The following BCAS3 variants were observed in gnomAD, a reference collection of about 807,000 sequenced individuals.
BCAS3 encodes the protein BCAS3 microtubule associated cell migration factor.
BCAS3 carries 53 observed loss-of-function variants against 116.1 expected under a neutral mutation model. The ratio of observed to expected loss-of-function variants is 0.46; its 90% CI spans 0.37 to 0.57. The LOEUF is 0.57. Among genes scored for constraint, BCAS3 ranks in the 20% least tolerant of loss-of-function variants. The pLI is 0.00. For missense variants in BCAS3, 917 were observed against 1,165.4 expected, an observed-to-expected ratio of 0.79 and a Z score of 3.10; for synonymous variants, 391 against 408.2, an observed-to-expected ratio of 0.96 and a Z score of 0.51.
chr17:61,330,688 C>T (rs1375905851), intron 22 of BCAS3, among the ~76,000 whole-genome samples: 1 of 152,238 alleles, frequency 6.6e-6, no homozygotes, highest in Non-Finnish European at 1.5e-5. Context: ...CAGAAACACA[C>T]ACCAGTGAGC....
intron 12 of BCAS3, among the ~76,000 whole-genome samples, chr17:60,914,763 T>C (rs1242501467): frequency 6.6e-6 from 1 of 152,214 alleles, no homozygotes; most frequent in African/African-American, 2.4e-5. Flanking sequence ...TTCCACTTAA[T>C]GAACAGTAAA....
chr17:61,015,785 T>A lies in BCAS3; in HGVS notation c.1521T>A (p.Phe507Leu). Residue 507 changes from phenylalanine (F) to leucine (L), a missense_variant, in exon 16 of 24, where the codon TTT becomes TTA. Physicochemically the swap from Phe to Leu is conservative, Grantham distance 22. Transcript: ENST00000407086. The stretch of plus-strand genomic sequence containing the variant: ...ACAGCCAAGACTCCTATAACAATTT[T>A]ACCAACAACAACCCTGGCAACCCTC... ...KLNSQDSYNN[F>L]TNNNPGNPRL... is the part of the protein sequence containing the mutation. 1 of 1,614,014 alleles carries A rather than the reference T, an allele frequency of 6.2e-7. No homozygotes were observed. The highest frequency in any genetic ancestry group is 8.5e-7 in the Non-Finnish European group (1 of 1,179,946).
intron 14 of BCAS3, among the ~76,000 whole-genome samples, chr17:60,978,670 G>T (rs1163023754): frequency 6.6e-6 from 1 of 152,102 alleles, no homozygotes; most frequent in Admixed American, 6.6e-5. Context: ...ATCCTGAATT[G>T]ATTTTTGTAT....
chr17:61,392,086 G>C lies in BCAS3; in HGVS notation c.2703G>C (p.Glu901Asp), dbSNP rs773269723. The C allele has an allele frequency of 2.4e-5, 39 of 1,613,634 alleles. No individual in the cohort carries two copies. Among genetic ancestry groups the C allele is most frequent in the Non-Finnish European group, 3.2e-5 (38 of 1,179,990 alleles). Reference sequence around the variant, plus strand: ...ACCGATCTCCGCTGCCCACCAATGAGAGCCAGCCCCTCAGCCTCTTCCCGA... The same window carrying C: ...ACCGATCTCCGCTGCCCACCAATGACAGCCAGCCCCTCAGCCTCTTCCCGA... ...DGYRSPLPTN[E>D]SQPLSLFPTG... The change falls in exon 24 of 24, where the codon GAG (glutamate) becomes GAC (aspartate). Residue 901 changes from glutamate to aspartate, a missense_variant. Physicochemically the swap from Glu to Asp is conservative, Grantham distance 45. Around this residue, in one of 3 missense-constraint regions of BCAS3, gnomAD observed 109 missense variants for 122.8 expected, o/e 0.89. Transcript: ENST00000407086. This position sits in a 1 kb window ranked among gnomAD's most constrained non-coding sequence, Gnocchi z 6.4.
At chr17:60,797,910 T>C (rs540397937) in intron 6 of BCAS3, among the ~76,000 whole-genome samples, 1 of 152,278 alleles carries the variant, frequency 6.6e-6, no homozygotes, top group East Asian at 1.9e-4. Flanking sequence ...GGCATGGTGA[T>C]GTGTGCCTGT....
At chr17:60,882,290 T>G (rs1202374470) in intron 9 of BCAS3, among the ~76,000 whole-genome samples, 2 of 150,912 alleles carry the variant, frequency 1.3e-5, no homozygotes, top group African/African-American at 4.9e-5. Context: ...ATGGGGTTGT[T>G]TGTTTTTTTC....
intron 14 of BCAS3, among the ~76,000 whole-genome samples, chr17:60,970,335 A>T (rs1255312815): frequency 6.6e-6 from 1 of 152,208 alleles, no homozygotes; most frequent in Non-Finnish European, 1.5e-5. Context: ...AGGCAGAAGC[A>T]CAAGAAAAAG....
chr17:61,359,165 G>GC (rs1220913175), intron 22 of BCAS3, among the ~76,000 whole-genome samples: 3 of 152,090 alleles, frequency 2.0e-5, no homozygotes, highest in Non-Finnish European at 4.4e-5. Context: ...CTTGCCTCTG[G>GC]CCCAGTGTTC....
rs2061748579 is a variant in BCAS3 at position 60,967,976 on chromosome 17, G to GTTT, written c.1221+20626_1221+20628dup. 6.6e-6 allele frequency among the ~76,000 whole-genome samples: 1 copy of GTTT among 151,866 alleles called. No individual in the cohort carries two copies. Among genetic ancestry groups the GTTT allele is most frequent in the Non-Finnish European group, 1.5e-5 (1 of 67,958 alleles). ...TGTTGTTGTTGTTGTTGTTGTTGTT[G>GTTT]TTTTGGAGATCACTGAGTTTTCTTA... On this transcript the variant is annotated intron_variant, in intron 14 of 23. Coordinates refer to ENST00000407086, the MANE Select transcript of BCAS3 (RefSeq NM_017679.5). This position sits in a 1 kb window ranked among gnomAD's most constrained non-coding sequence, Gnocchi z 4.7.
intron 4 of BCAS3, among the ~76,000 whole-genome samples, chr17:60,702,622 C>G (rs1364740699): frequency 6.6e-6 from 1 of 152,128 alleles, no homozygotes; most frequent in East Asian, 1.9e-4. Context: ...CAGCGTCTTC[C>G]TCTGTCACCT....
intron 15 of BCAS3, among the ~76,000 whole-genome samples, chr17:61,000,876 A>C (rs143685889): frequency 9.1e-4 from 138 of 152,270 alleles, no homozygotes; most frequent in African/African-American, 3.2e-3. Context: ...TACATCAGGA[A>C]ATATGGTTTT....
At chr17:61,018,290 G>GTTTTTT (rs10570881) in intron 16 of BCAS3, among the ~76,000 whole-genome samples, 6 of 83,058 alleles carry the variant, frequency 7.2e-5, no homozygotes, top group African/African-American at 2.0e-4. Flanking sequence ...AAATTCCCCA[G>GTTTTTT]TTTTTTTTTT....
chr17:61,167,990 T>C (rs1430633497), intron 22 of BCAS3, among the ~76,000 whole-genome samples: 1 of 152,212 alleles, frequency 6.6e-6, no homozygotes, highest in Non-Finnish European at 1.5e-5. Flanking sequence ...GGTTTACTTC[T>C]CTCCTCTTTG....
intron 22 of BCAS3, among the ~76,000 whole-genome samples, chr17:61,100,298 ACCTTTT>A (rs1420923356): frequency 3.9e-5 from 6 of 152,274 alleles, no homozygotes; most frequent in African/African-American, 1.2e-4. Flanking sequence ...TATTTGGGCT[ACCTTTT>A]CCTTTTCCTA....
rs1041034008 is a variant in BCAS3, at chr17:60,963,917, G to C, written c.1221+16565G>C. Among the ~76,000 whole-genome samples, 4 of 152,194 alleles carry C rather than the reference G, an allele frequency of 2.6e-5. No individual in the cohort carries two copies. In the East Asian group the frequency reaches 7.7e-4, roughly 29 times the overall value. ...GCAACTTTACTGAATTTGCTGATCA[G>C]CTGTAACAATTTTTTGGTGAGTTCT... On this transcript the variant is annotated intron_variant, in intron 14 of 23. Coordinates refer to ENST00000407086, the MANE Select transcript of BCAS3 (RefSeq NM_017679.5).
chr17:60,867,292 G>A (rs2054691177), intron 7 of BCAS3, among the ~76,000 whole-genome samples: 1 of 151,962 alleles, frequency 6.6e-6, no homozygotes, highest in African/African-American at 2.4e-5. Context: ...TTTTAATAGA[G>A]ATGGGGTGTC....
At position 60,874,671 on chromosome 17, in the gene BCAS3, C is replaced by T. The variant is rs765823513; in HGVS notation, c.594C>T (p.Val198=). 18 of 1,606,480 alleles carry T rather than the reference C, an allele frequency of 1.1e-5. No homozygotes were observed. The highest frequency in any genetic ancestry group is 9.0e-5 in the East Asian group (4 of 44,546). The stretch of plus-strand genomic sequence containing the variant: ...CTCTCTCTAATTTTAGGATCCTTGT[C>T]GTAGTCTTGCAGGAGAAAATTGCTG... ...YDLHCNKRIL[V]VVLQEKIAAF... is the part of the protein sequence containing the mutation. Residue 198 remains valine, a synonymous_variant, in exon 9 of 24, where the codon GTC becomes GTT. Transcript: ENST00000407086.
intron 13 of BCAS3, among the ~76,000 whole-genome samples, chr17:60,930,878 C>G (rs1467562006): frequency 6.6e-6 from 1 of 152,148 alleles, no homozygotes. Flanking sequence ...GTTAAAAATA[C>G]TATAAAATGT....
intron 22 of BCAS3, among the ~76,000 whole-genome samples, chr17:61,117,318 T>G (rs1479889330): frequency 2.0e-5 from 3 of 152,212 alleles, no homozygotes; most frequent in Non-Finnish European, 4.4e-5. Flanking sequence ...TGAGGCCAGG[T>G]ATGATGGCTC....
Sources: allele counts gnomAD v4.1 joint callset (sites outside exome capture counted in the v4.1 genomes callset), GRCh38; gene constraint gnomAD v4.1.1; regional missense constraint gnomAD v4.1.1; non-coding constraint Gnocchi (gnomAD v3.1); transcripts MANE v1.5; gene names NCBI Gene and HGNC (gene_info 2026-07-23, HGNC 2026-07-21).